CDH23: variants seen among roughly 807,000 people sequenced by gnomAD.
CDH23 encodes the protein cadherin-23.
Under a neutral mutation model 317.1 loss-of-function variants are expected in CDH23, and 189 were observed. The ratio of observed to expected loss-of-function variants is 0.60; its 90% confidence interval spans 0.53 to 0.67. The LOEUF is 0.67. CDH23 is among the 30% of genes least tolerant of loss of function. The pLI, the probability that CDH23 is intolerant of heterozygous loss-of-function variation, is 0.00. For synonymous variants in CDH23, 1,839 were observed against 1,876.8 expected, an observed-to-expected ratio of 0.98 and a Z score of 0.52; for missense variants, 4,401 against 4,592.4, an observed-to-expected ratio of 0.96 and a Z score of 1.20.
At chr10:71,403,966 C>G (rs922917082) in intron 1 of CDH23, among the ~76,000 whole-genome samples, 7 of 152,152 alleles carry the variant, frequency 4.6e-5, no homozygotes, top group Admixed American at 3.9e-4. Context: ...GTGGCACATG[C>G]CTGCAGTCCC....
intron 3 of CDH23, among the ~76,000 whole-genome samples, chr10:71,447,453 G>C (rs1850225855): frequency 6.6e-6 from 1 of 152,116 alleles, no homozygotes; most frequent in East Asian, 1.9e-4. Flanking sequence ...CACTCTTCCT[G>C]GTGGAGGTTT....
intron 38 of CDH23, among the ~76,000 whole-genome samples, chr10:71,776,273 C>G (rs947825652): frequency 6.6e-6 from 1 of 152,162 alleles, no homozygotes; most frequent in Non-Finnish European, 1.5e-5. Context: ...GGGGCAGTGA[C>G]AGCCTTCTTG....
At chr10:71,538,112 C>T (rs60469210) in intron 6 of CDH23, among the ~76,000 whole-genome samples, 6,153 of 152,270 alleles carry the variant, frequency 0.04, 274 homozygotes, top group African/African-American at 0.11. Flanking sequence ...GAAAAAGATA[C>T]GCAGGTCTGC....
At position 71,704,895 on chromosome 10, in the gene CDH23, C is replaced by A; in HGVS notation, c.2734-16C>A. 6.2e-7 allele frequency: 1 copy of A among 1,600,126 alleles called. No individual in the cohort carries two copies. ...TGTCCCCTCCCCACCCTCATGCTGC[C>A]CCTCCTTGCCCTCAGGTGGTGGCCA... On this transcript the variant is annotated splice_polypyrimidine_tract_variant and intron_variant, in intron 24 of 69. Coordinates refer to ENST00000224721, the MANE Select transcript of CDH23 (RefSeq NM_022124.6).
chr10:71,457,670 A>T (rs1350025036), intron 3 of CDH23, among the ~76,000 whole-genome samples: 1 of 152,256 alleles, frequency 6.6e-6, no homozygotes, highest in Non-Finnish European at 1.5e-5. Context: ...CCTGAGTCCC[A>T]GGCCTGGCAT....
rs1841920632 is a variant in CDH23, at chr10:71,811,420, C to T, written c.9183C>T (p.Asp3061=). The T allele has an allele frequency of 1.2e-6, 2 of 1,613,902 alleles. No individual in the cohort carries two copies. Among genetic ancestry groups the T allele is most frequent in the Admixed American group, 1.7e-5 (1 of 60,002 alleles). Residue 3061 remains aspartate (D), a synonymous_variant, in exon 63 of 70, where the codon GAC becomes GAT. Transcript: ENST00000224721. ...QPAISVRLPD[D]MSALQMAIIV... The stretch of plus-strand genomic sequence containing the variant: ...CCATCTCTGTCCGGCTGCCGGATGA[C>T]ATGTCTGCCCTGCAGGTACCCGGCG...
At position 71,613,473 on chromosome 10, in the gene CDH23, G is replaced by A. The variant is rs115991709; in HGVS notation, c.833-2031G>A. On this transcript the variant is annotated intron_variant, in intron 9 of 69. Transcript: ENST00000224721. ...GACTGATAGACTGAGTTCTAAACAG[G>A]CCCCACTGTCTGCAGCTTCTGCCTG... Among the ~76,000 whole-genome samples, 482 of 152,274 alleles carry A rather than the reference G, an allele frequency of 3.2e-3. 2 individuals are homozygous for A. The highest frequency in any genetic ancestry group is 0.011 in the African/African-American group (466 of 41,532).
At chr10:71,699,598 C>T (rs528289638) in intron 22 of CDH23, among the ~76,000 whole-genome samples, 56 of 152,244 alleles carry the variant, frequency 3.7e-4, no homozygotes, top group Admixed American at 5.9e-4. Context: ...CACTCTTCTT[C>T]CTGGCTCCTG....
intron 38 of CDH23, among the ~76,000 whole-genome samples, chr10:71,747,075 A>G (rs1404177996): frequency 6.6e-6 from 1 of 152,174 alleles, no homozygotes; most frequent in Non-Finnish European, 1.5e-5. Context: ...CTGACCCAGC[A>G]CAAGTACATC....
At chr10:71,780,985 C>T (rs571857234) in intron 41 of CDH23, among the ~76,000 whole-genome samples, 2 of 152,204 alleles carry the variant, frequency 1.3e-5, no homozygotes, top group South Asian at 2.1e-4. Context: ...AAGATGATGG[C>T]GTTGCCATTG....
At chr10:71,519,781 CTTTTTTCTTTTTT>C (rs1854555956) in intron 6 of CDH23, among the ~76,000 whole-genome samples, 1 of 151,024 alleles carries the variant, frequency 6.6e-6, no homozygotes, top group African/African-American at 2.4e-5. Flanking sequence ...TTTTCTTTTT[CTTTTTTCTTTTTT>C]TTTTTTTGAG....
At chr10:71,775,457 C>T (rs1452643448) in intron 38 of CDH23, among the ~76,000 whole-genome samples, 1 of 152,200 alleles carries the variant, frequency 6.6e-6, no homozygotes, top group Admixed American at 6.5e-5. Flanking sequence ...CTTTTCACTT[C>T]CTTTCTCCCT....
intron 63 of CDH23, 35 bp from the exon 64 acceptor site, chr10:71,811,476 C>T (rs2133001847): frequency 1.2e-6 from 2 of 1,614,030 alleles, no homozygotes; most frequent in Non-Finnish European, 1.7e-6. Context: ...CCGCCCTCCC[C>T]ACTGCCCGGG....
intron 57 of CDH23, among the ~76,000 whole-genome samples, chr10:71,807,042 G>A (rs1420935864): frequency 6.6e-6 from 1 of 152,200 alleles, no homozygotes; most frequent in Non-Finnish European, 1.5e-5. Flanking sequence ...TAACGTGTGT[G>A]CTTCTCTCAC....
Position 71,491,897 on chromosome 10 carries a change from C to T in CDH23, c.146-18185C>T, listed in dbSNP as rs114940762. Among the ~76,000 whole-genome samples the T allele has an allele frequency of 5.0e-3, 765 of 152,260 alleles. 6 individuals are homozygous for T. Among genetic ancestry groups the T allele is most frequent in the African/African-American group, 0.017 (724 of 41,520 alleles). On this transcript the variant is annotated intron_variant, in intron 3 of 69. Transcript: ENST00000224721. The stretch of plus-strand genomic sequence containing the variant: ...CTGCGATTCCCACTGGAACCAGAGG[C>T]GAGCCTTCCCCACTCGAGCACACGC...
chr10:71,601,620 C>T (rs542672901), intron 9 of CDH23, among the ~76,000 whole-genome samples: 1 of 152,244 alleles, frequency 6.6e-6, no homozygotes, highest in East Asian at 1.9e-4. Flanking sequence ...TTCCCTGAAC[C>T]CCATCCCTCA....
intron 11 of CDH23, among the ~76,000 whole-genome samples, chr10:71,642,053 A>G (rs1476638241): frequency 1.3e-5 from 2 of 152,056 alleles, no homozygotes; most frequent in Non-Finnish European, 2.9e-5. Context: ...CCAAGATTGT[A>G]CCACTGCACT....
chr10:71,804,846 TA>T (rs1254904972), intron 55 of CDH23, among the ~76,000 whole-genome samples: 1 of 152,234 alleles, frequency 6.6e-6, no homozygotes, highest in African/African-American at 2.4e-5. Context: ...TCCCCTGCAT[TA>T]AATCTCTTTT....
intron 1 of CDH23, among the ~76,000 whole-genome samples, chr10:71,436,673 G>A (rs1216969959): frequency 6.6e-6 from 1 of 152,198 alleles, no homozygotes; most frequent in South Asian, 2.1e-4. Context: ...TGGCCTGTGG[G>A]ATTGCCTAAC....
Sources: allele counts gnomAD v4.1 joint callset (sites outside exome capture counted in the v4.1 genomes callset), GRCh38; gene constraint gnomAD v4.1.1; transcripts MANE v1.5; gene names NCBI Gene and HGNC (gene_info 2026-07-23, HGNC 2026-07-21).